Variants in RBBP8 observed in about 807,000 individuals in gnomAD.
RBBP8 encodes DNA endonuclease RBBP8.
In RBBP8, 88 loss-of-function variants were observed where a neutral mutation model predicts 108.3. That is an observed-to-expected ratio of 0.81 (90% CI 0.68 to 0.97). The LOEUF (loss-of-function observed/expected upper bound fraction) is 0.97. Ranked by LOEUF, RBBP8 falls within the 50% of genes least tolerant of loss-of-function variation. RBBP8 has a pLI of 0.00. For missense variants in RBBP8, 1,023 were observed against 1,049.0 expected, an observed-to-expected ratio of 0.98 and a Z score of 0.34; for synonymous variants, 332 against 348.2, an observed-to-expected ratio of 0.95 and a Z score of 0.52.
At chr18:22,949,943 T>C in intron 4 of RBBP8, 1 of 450,114 alleles carries the variant, frequency 2.2e-6, no homozygotes, top group Non-Finnish European at 4.0e-6. Context: ...GTGTTTGATG[T>C]AGTGGAAGCT....
intron 1 of RBBP8, among the ~76,000 whole-genome samples, chr18:22,935,960 C>T (rs1446803301): frequency 6.6e-6 from 1 of 152,124 alleles, no homozygotes; most frequent in African/African-American, 2.4e-5. Context: ...TACAGATCCT[C>T]ATCTGTGTTA....
chr18:22,962,328 G>C (rs970771290), intron 4 of RBBP8, among the ~76,000 whole-genome samples: 10 of 151,814 alleles, frequency 6.6e-5, no homozygotes, highest in Non-Finnish European at 1.0e-4. Context: ...CTTTTCAACT[G>C]TAGGAATTTT....
At chr18:23,013,073 A>G (rs1214618530) in intron 16 of RBBP8, among the ~76,000 whole-genome samples, 3 of 152,196 alleles carry the variant, frequency 2.0e-5, no homozygotes, top group East Asian at 1.9e-4. Flanking sequence ...TTGATCAGAA[A>G]AAAAAAAAAG....
chr18:23,021,416 C>CA (rs55707937), intron 17 of RBBP8, among the ~76,000 whole-genome samples: 17 of 150,520 alleles, frequency 1.1e-4, no homozygotes, highest in South Asian at 1.1e-3. Flanking sequence ...CTCTGTCTCT[C>CA]AAAAAAAAAG....
chr18:22,928,777 C>T (rs1909888282), upstream of RBBP8, among the ~76,000 whole-genome samples: 1 of 151,410 alleles, frequency 6.6e-6, no homozygotes, highest in African/African-American at 2.4e-5. Flanking sequence ...TCAAGTGATT[C>T]ACCTCCCTCA....
intron 4 of RBBP8, among the ~76,000 whole-genome samples, chr18:22,960,093 C>T (rs1413910322): frequency 1.3e-5 from 2 of 151,940 alleles, no homozygotes; most frequent in African/African-American, 4.8e-5. Flanking sequence ...CGGGGTTTTA[C>T]CGTGTTAGCC....
At chr18:22,956,584 G>T (rs1384665894) in intron 4 of RBBP8, among the ~76,000 whole-genome samples, 8 of 152,104 alleles carry the variant, frequency 5.3e-5, no homozygotes, top group African/African-American at 1.9e-4. Context: ...TGATCCTCCT[G>T]CCTTGGCCTT....
intron 5 of RBBP8, 99 bp from the exon 6 acceptor site, chr18:22,975,054 A>T (rs1276588256): frequency 1.5e-6 from 2 of 1,350,390 alleles, no homozygotes; most frequent in Admixed American, 4.8e-5. Context: ...GATTAGAAGT[A>T]CTAATTTCTT....
chr18:22,919,957 A>G (rs1909522505), intron 3 of RBBP8, among the ~76,000 whole-genome samples: 1 of 152,186 alleles, frequency 6.6e-6, no homozygotes, highest in Non-Finnish European at 1.5e-5. Flanking sequence ...TTACTTTTAA[A>G]TGTTTACAGT....
At chr18:22,926,490 C>T (rs1909796482) in intron 3 of RBBP8, among the ~76,000 whole-genome samples, 1 of 152,044 alleles carries the variant, frequency 6.6e-6, no homozygotes, top group Non-Finnish European at 1.5e-5. Flanking sequence ...TCTTCATCAC[C>T]CCATTATAAT....
intron 1 of RBBP8, chr18:22,934,658 C>G (rs902125298): frequency 4.0e-5 from 6 of 151,598 alleles, no homozygotes; most frequent in East Asian, 1.9e-4. Context: ...ATCTCCTAAT[C>G]CTATCCCTCC....
chr18:22,938,860 G>A (rs549793244), intron 2 of RBBP8, among the ~76,000 whole-genome samples: 7 of 152,306 alleles, frequency 4.6e-5, no homozygotes, highest in South Asian at 4.1e-4. Context: ...TAGTAGAGTC[G>A]TGTAAACAGA....
intron 5 of RBBP8, 129 bp from the exon 6 acceptor site, chr18:22,975,024 G>T (rs1914400582): frequency 2.5e-6 from 3 of 1,209,552 alleles, no homozygotes; most frequent in Non-Finnish European, 2.3e-6. Flanking sequence ...TGTTAACCCT[G>T]AATAAACATT....
chr18:22,921,505 G>A (rs944732876), intron 3 of RBBP8, among the ~76,000 whole-genome samples: 1 of 152,196 alleles, frequency 6.6e-6, no homozygotes, highest in African/African-American at 2.4e-5. Flanking sequence ...GAATCTGGTT[G>A]CCACTGAAAT....
chr18:22,926,597 T>C (rs1012625711), intron 3 of RBBP8, among the ~76,000 whole-genome samples: 17 of 152,316 alleles, frequency 1.1e-4, no homozygotes, highest in African/African-American at 4.1e-4. Flanking sequence ...AGTAAAACTT[T>C]GGCCATTACT....
intron 3 of RBBP8, among the ~76,000 whole-genome samples, chr18:22,918,662 T>C (rs760744232): frequency 6.6e-6 from 1 of 152,158 alleles, no homozygotes; most frequent in Non-Finnish European, 1.5e-5. Flanking sequence ...GTCAAATTAA[T>C]TGGCCAAGAA....
In RBBP8 at chr18:22,936,627, A is replaced by G. The variant is rs551486070; in HGVS notation, c.-98-127A>G. 204 of 521,566 alleles carry G rather than the reference A, an allele frequency of 3.9e-4. 1 individual carries two copies. The highest frequency in any genetic ancestry group is 3.5e-3 in the African/African-American group (185 of 52,340). 32.3% of individuals were successfully genotyped at this position (521,566 alleles called of 1,614,324 possible). ...TTCTTTCCTTCCCCTCCCAAATTCT[A>G]AAAATGATTGATTATAGGTAAATAA... On this transcript the variant is annotated intron_variant, in intron 1 of 18. Coordinates refer to ENST00000327155, the MANE Select transcript of RBBP8 (RefSeq NM_002894.3).
intron 6 of RBBP8, among the ~76,000 whole-genome samples, chr18:22,975,979 T>A (rs1436017056): frequency 6.6e-6 from 1 of 152,160 alleles, no homozygotes; most frequent in Non-Finnish European, 1.5e-5. Context: ...TATATAAAGC[T>A]TATATACTAT....
chr18:22,953,710 T>C (rs1912236100), intron 4 of RBBP8, among the ~76,000 whole-genome samples: 1 of 152,124 alleles, frequency 6.6e-6, no homozygotes, highest in Non-Finnish European at 1.5e-5. Context: ...CCCATTAAAT[T>C]ACTTTCTTTT....
Sources: gnomAD v4.1 joint callset for allele counts (sites outside exome capture counted in the v4.1 genomes callset) on GRCh38, gnomAD v4.1.1 for gene constraint, MANE v1.5 for transcripts, NCBI Gene and HGNC (gene_info 2026-07-23, HGNC 2026-07-21) for gene names.